The following GTSE1 variants were observed in gnomAD, a reference collection of about 807,000 sequenced individuals.
GTSE1 encodes the protein G2 and S-phase expressed 1.
Under a neutral mutation model 60.5 loss-of-function variants are expected in GTSE1, and 52 were observed. That is an observed-to-expected ratio of 0.86 (90% confidence interval 0.69 to 1.08). GTSE1 has a LOEUF of 1.08. GTSE1 is among the 50% of genes least tolerant of loss of function. GTSE1 has a pLI of 0.00. For missense variants in GTSE1, 937 were observed against 961.8 expected, an observed-to-expected ratio of 0.97 and a Z score of 0.34; for synonymous variants, 368 against 386.5, an observed-to-expected ratio of 0.95 and a Z score of 0.56.
rs138493417 is a variant in GTSE1 at position 46,308,673 on chromosome 22, G to A, written c.492G>A (p.Glu164=). 2 of 1,613,894 alleles carry A rather than the reference G, an allele frequency of 1.2e-6. No individual in the cohort carries two copies. Among genetic ancestry groups the A allele is most frequent in the African/African-American group, 2.7e-5 (2 of 74,960 alleles). ...AAAGCCCCACGTCTCTTAAAAGGGA[G>A]ACATACTACCTGTCAGACAGCCCCT... The part of the protein sequence containing the change: ...MKKSPTSLKR[E]TYYLSDSPLL... Residue 164 remains glutamate (E), a synonymous_variant, in exon 4 of 12, where the codon GAG becomes GAA. Coordinates refer to ENST00000454366, the MANE Select transcript of GTSE1 (RefSeq NM_016426.7).
intron 2 of GTSE1, among the ~76,000 whole-genome samples, chr22:46,301,345 G>T (rs2077688011): frequency 6.6e-6 from 1 of 152,150 alleles, no homozygotes; most frequent in Non-Finnish European, 1.5e-5. Flanking sequence ...AGGCCCTCTA[G>T]AGAGCTGTGA....
rs763635576 is a variant in GTSE1, at chr22:46,308,961, G to A, written c.762+18G>A. On this transcript the variant is annotated intron_variant, in intron 4 of 11. Coordinates refer to ENST00000454366, the MANE Select transcript of GTSE1 (RefSeq NM_016426.7). ...CGGAGAAGGTAAATGCCACAGCAGA[G>A]CGCCTGCCTGGGGAGCCCCCACTCC... is the stretch of plus-strand genomic sequence containing the variant. The A allele has an allele frequency of 6.3e-7, 1 of 1,590,048 alleles. No individual in the cohort carries two copies. The highest frequency in any genetic ancestry group is 1.1e-5 in the South Asian group (1 of 87,820).
chr22:46,298,744 T>C (rs2077672360), intron 2 of GTSE1, among the ~76,000 whole-genome samples: 1 of 152,218 alleles, frequency 6.6e-6, no homozygotes, highest in Non-Finnish European at 1.5e-5. Flanking sequence ...CTTTCAAATA[T>C]GTCCTTTCCA....
In GTSE1 at chr22:46,329,338, A is replaced by T. The variant is rs1187673054; in HGVS notation, c.1927-20A>T. On this transcript the variant is annotated intron_variant, in intron 10 of 11. Transcript: ENST00000454366. The surrounding 1 kb of genome is among the most constrained non-coding windows in gnomAD (Gnocchi z 6.4). ...CAGAAAGATGCTGGACTCTGCTCTTAACCTTGGTTTTGTACCCAGGCTCTT... is the reference window on the plus strand; with the variant it reads ...CAGAAAGATGCTGGACTCTGCTCTTTACCTTGGTTTTGTACCCAGGCTCTT... 6.3e-7 allele frequency: 1 copy of T among 1,586,384 alleles called. No homozygotes were observed. Among genetic ancestry groups the T allele is most frequent in the Non-Finnish European group, 8.7e-7 (1 of 1,155,202 alleles).
At chr22:46,307,627 C>T (rs1040587789) in intron 2 of GTSE1, among the ~76,000 whole-genome samples, 11 of 152,176 alleles carry the variant, frequency 7.2e-5, no homozygotes, top group Admixed American at 7.2e-4. Flanking sequence ...CCTCAGCCTC[C>T]GAGTAGCTGG....
Position 46,316,145 on chromosome 22 carries a change from C to T in GTSE1, c.1165C>T (p.Pro389Ser), listed in dbSNP as rs1350876030. 1 of 1,611,208 alleles carries T rather than the reference C, an allele frequency of 6.2e-7. No individual in the cohort carries two copies. Among genetic ancestry groups the T allele is most frequent in the East Asian group, 2.2e-5 (1 of 44,814 alleles). The part of the protein sequence containing the change: ...AMLRPALPAG[P>S]VGASSWQAKR... ...GCTGCGGCCAGCTCTGCCTGCAGGC[C>T]CTGTGGGGGCATCCTCCTGGCAGGC... The change falls in exon 7 of 12, where the codon CCT becomes TCT. Residue 389 changes from proline to serine, a missense_variant. By Grantham distance (74) the Pro-to-Ser change is moderately conservative. Coordinates refer to ENST00000454366, the MANE Select transcript of GTSE1 (RefSeq NM_016426.7). This position sits in a 1 kb window ranked among gnomAD's most constrained non-coding sequence, Gnocchi z 5.0.
chr22:46,316,211 A>T lies in GTSE1; in HGVS notation c.1231A>T (p.Thr411Ser), dbSNP rs368317895. The T allele has an allele frequency of 3.7e-6, 6 of 1,613,604 alleles. No homozygotes were observed. In the African/African-American group the frequency reaches 4.0e-5, roughly 11 times the overall value. ...TTCTGAGCTGGCAGCGGAGCAGCTC[A>T]CGGCACCCCCCTCAGCATCCCCCAC... ...DVSELAAEQL[T>S]APPSASPTQP... is the part of the protein sequence containing the mutation. The change falls in exon 7 of 12, where the codon ACG (threonine) becomes TCG (serine). Residue 411 changes from threonine (T) to serine (S), a missense_variant. By Grantham distance (58) the Thr-to-Ser change is moderately conservative. Transcript: ENST00000454366. The surrounding 1 kb of genome is among the most constrained non-coding windows in gnomAD (Gnocchi z 5.0).
Position 46,326,422 on chromosome 22 carries a change from G to A in GTSE1, c.1506-14G>A, listed in dbSNP as rs2077844031. 3 of 1,584,872 alleles carry A rather than the reference G, an allele frequency of 1.9e-6. No homozygotes were observed. The highest frequency in any genetic ancestry group is 2.6e-6 in the Non-Finnish European group (3 of 1,156,996). On this transcript the variant is annotated splice_polypyrimidine_tract_variant and intron_variant, in intron 8 of 11. Coordinates refer to ENST00000454366, the MANE Select transcript of GTSE1 (RefSeq NM_016426.7). ...TGTCATCTCAGCTCACGACACTGAT[G>A]TTGTGTTTGCCAGGGTCACTGTCCA... is the stretch of plus-strand genomic sequence containing the variant.
Position 46,309,042 on chromosome 22 carries a change from T to C in GTSE1, c.762+99T>C. On this transcript the variant is annotated intron_variant, in intron 4 of 11. Coordinates refer to ENST00000454366, the MANE Select transcript of GTSE1 (RefSeq NM_016426.7). The surrounding 1 kb of genome is among the most constrained non-coding windows in gnomAD (Gnocchi z 6.2). ...TGCGGAAAGCCTCAGAGGTGGCGAGTCTCTGAGGCCTACAAAACACAGGAA... is the reference window on the plus strand; with the variant it reads ...TGCGGAAAGCCTCAGAGGTGGCGAGCCTCTGAGGCCTACAAAACACAGGAA... 1 of 1,307,792 alleles carries C rather than the reference T, an allele frequency of 7.6e-7. No homozygotes were observed. The highest frequency in any genetic ancestry group is 1.0e-6 in the Non-Finnish European group (1 of 955,242). The allele number at this position is 1,307,792 out of a possible 1,614,324, so 81.0% of individuals were successfully genotyped here.
rs1384592223 is a variant in GTSE1, at chr22:46,323,213, C to G, written c.1456C>G (p.Pro486Ala). ...SIGDSPDSST[P>A]KLSRAQRPQS... ...AGGTGACTCCCCGGACAGCTCAACA[C>G]CAAAGCTTTCGCGGGCACAGCGGCC... The change falls in exon 8 of 12, where the codon CCA becomes GCA. Residue 486 changes from proline to alanine, a missense_variant. Physicochemically the swap from Pro to Ala is conservative, Grantham distance 27. Coordinates refer to ENST00000454366, the MANE Select transcript of GTSE1 (RefSeq NM_016426.7). The G allele has an allele frequency of 2.5e-6, 4 of 1,614,052 alleles. No individual in the cohort carries two copies. The highest frequency in any genetic ancestry group is 1.7e-5 in the Admixed American group (1 of 60,034).
chr22:46,311,061 TG>T (rs1197957791), intron 4 of GTSE1, among the ~76,000 whole-genome samples: 4 of 145,658 alleles, frequency 2.7e-5, no homozygotes, highest in South Asian at 2.1e-4. Flanking sequence ...GGGTACAGGT[TG>T]TTTTTTTTTT....
At chr22:46,312,339 G>A (rs1339027382) in intron 5 of GTSE1, 34 bp downstream of exon 5, 1 of 1,586,524 alleles carries the variant, frequency 6.3e-7, no homozygotes. Context: ...ACTTGTGGTT[G>A]CTGGGAATGA....
In GTSE1 at chr22:46,316,674, C is replaced by T. The variant is rs1457188851; in HGVS notation, c.1432+262C>T. Among the ~76,000 whole-genome samples the T allele has an allele frequency of 5.3e-5, 8 of 152,022 alleles. No homozygotes were observed. The highest frequency in any genetic ancestry group is 1.9e-4 in the East Asian group (1 of 5,184). On this transcript the variant is annotated intron_variant, in intron 7 of 11. Coordinates refer to ENST00000454366, the MANE Select transcript of GTSE1 (RefSeq NM_016426.7). This position sits in a 1 kb window ranked among gnomAD's most constrained non-coding sequence, Gnocchi z 5.0. ...AAGGTTTTCTCTTTAGTGTTACTGT[C>T]GGGAATTTGATTATTATGTGCTTTG... is the stretch of plus-strand genomic sequence containing the variant.
In GTSE1 at chr22:46,313,221, T is replaced by C. The variant is rs2077759074; in HGVS notation, c.928-669T>C. ...AGAAAATTGCGGTTCCTCACAGGCATGGAGACTACCAGCCACATCTTTGCC... is the reference window on the plus strand; with the variant it reads ...AGAAAATTGCGGTTCCTCACAGGCACGGAGACTACCAGCCACATCTTTGCC... On this transcript the variant is annotated intron_variant, in intron 5 of 11. Transcript: ENST00000454366. This position sits in a 1 kb window ranked among gnomAD's most constrained non-coding sequence, Gnocchi z 4.4. 6.7e-6 allele frequency among the ~76,000 whole-genome samples: 1 copy of C among 150,202 alleles called. No homozygotes were observed. The highest frequency in any genetic ancestry group is 2.1e-4 in the South Asian group (1 of 4,768).
At position 46,316,370 on chromosome 22, in the gene GTSE1, C is replaced by A; in HGVS notation, c.1390C>A (p.Pro464Thr). 1 of 1,598,984 alleles carries A rather than the reference C, an allele frequency of 6.3e-7. No homozygotes were observed. The highest frequency in any genetic ancestry group is 8.6e-7 in the Non-Finnish European group (1 of 1,167,954). ...TCTAAATTCCAAGACAAAGGTTATGCCTACTCCTACAAATCAATTTAAAAT... is the reference window on the plus strand; with the variant it reads ...TCTAAATTCCAAGACAAAGGTTATGACTACTCCTACAAATCAATTTAAAAT... ...SCLNSKTKVM[P>T]TPTNQFKIPK... Residue 464 changes from proline to threonine, a missense_variant, in exon 7 of 12, where the codon CCT becomes ACT. Coordinates refer to ENST00000454366, the MANE Select transcript of GTSE1 (RefSeq NM_016426.7). The surrounding 1 kb of genome is among the most constrained non-coding windows in gnomAD (Gnocchi z 5.0).
rs1279602641 is a variant in GTSE1 at position 46,329,261 on chromosome 22, C to T, written c.1927-97C>T. 9.5e-6 allele frequency: 10 copies of T among 1,049,518 alleles called. No homozygotes were observed. Among genetic ancestry groups the T allele is most frequent in the Admixed American group, 3.4e-5 (2 of 58,914 alleles). The allele number at this position is 1,049,518 out of a possible 1,614,324, so 65.0% of individuals were successfully genotyped here. A position where few individuals can be genotyped will look rare whatever the true frequency, so the allele number is the denominator to read the frequency against. On this transcript the variant is annotated intron_variant, in intron 10 of 11. Coordinates refer to ENST00000454366, the MANE Select transcript of GTSE1 (RefSeq NM_016426.7). The surrounding 1 kb of genome is among the most constrained non-coding windows in gnomAD (Gnocchi z 6.4). ...CGCCTGATTCCTTGGCTTTCCAAAC[C>T]GCCAGCCCACCTGGAACATGAGCAA...
At chr22:46,305,850 T>A (rs1008324235) in intron 2 of GTSE1, among the ~76,000 whole-genome samples, 14 of 151,532 alleles carry the variant, frequency 9.2e-5, no homozygotes, top group African/African-American at 2.7e-4. Context: ...GAGGTTGCAG[T>A]GAGCCAAGAT....
intron 6 of GTSE1, among the ~76,000 whole-genome samples, chr22:46,315,050 G>A (rs1168517556): frequency 2.7e-5 from 4 of 149,952 alleles, no homozygotes; most frequent in East Asian, 2.0e-4. Flanking sequence ...CACCACACCC[G>A]GCTAATTTTT....
At chr22:46,323,924 C>T (rs189263117) in intron 8 of GTSE1, among the ~76,000 whole-genome samples, 1 of 151,774 alleles carries the variant, frequency 6.6e-6, no homozygotes, top group East Asian at 1.9e-4. Flanking sequence ...GATCTCCTGG[C>T]CTCGTGATCC....
Sources: allele counts gnomAD v4.1 joint callset (sites outside exome capture counted in the v4.1 genomes callset), GRCh38; gene constraint gnomAD v4.1.1; non-coding constraint Gnocchi (gnomAD v3.1); transcripts MANE v1.5; gene names NCBI Gene and HGNC (gene_info 2026-07-23, HGNC 2026-07-21).